Variants in MYO10 observed in about 807,000 individuals in gnomAD.
MYO10 encodes unconventional myosin-X.
Under a neutral mutation model 257.3 loss-of-function variants are expected in MYO10, and 133 were observed. That is an observed-to-expected ratio of 0.52 (90% CI 0.45 to 0.60). MYO10 has a LOEUF of 0.60. Ranked by LOEUF, MYO10 falls within the 20% of genes least tolerant of loss-of-function variation. The pLI is 0.00. For missense variants in MYO10, 2,399 were observed against 2,635.7 expected, an observed-to-expected ratio of 0.91 and a Z score of 1.97; for synonymous variants, 1,104 against 1,028.6, an observed-to-expected ratio of 1.07 and a Z score of -1.40.
intron 3 of MYO10, among the ~76,000 whole-genome samples, chr5:16,799,232 T>C (rs7717298): frequency 1.1e-3 from 161 of 152,150 alleles, no homozygotes; most frequent in African/African-American, 3.5e-3. Flanking sequence ...GTTCTGACAG[T>C]GTGGATGACA....
At chr5:16,824,912 G>A (rs1007456048) in intron 2 of MYO10, among the ~76,000 whole-genome samples, 10 of 151,936 alleles carry the variant, frequency 6.6e-5, no homozygotes, top group South Asian at 4.2e-4. Context: ...AAAAACAATC[G>A]AAGAAATAAA....
chr5:16,764,163 A>C, intron 12 of MYO10, 87 bp downstream of exon 12: 1 of 1,475,460 alleles, frequency 6.8e-7, no homozygotes, highest in Non-Finnish European at 9.2e-7. Context: ...AAAAAGAAAA[A>C]AAAAGAGTTT....
chr5:16,934,999 C>G (rs1746394762), intron 1 of MYO10, among the ~76,000 whole-genome samples: 1 of 152,170 alleles, frequency 6.6e-6, no homozygotes, highest in Non-Finnish European at 1.5e-5. Flanking sequence ...ATTAAATAAA[C>G]ACAACCAAGA....
intron 2 of MYO10, among the ~76,000 whole-genome samples, chr5:16,867,844 T>C (rs1209627592): frequency 6.6e-6 from 1 of 152,216 alleles, no homozygotes; most frequent in Admixed American, 6.5e-5. Context: ...CCAAGCTTAG[T>C]TATCCTTGTT....
Position 16,921,132 on chromosome 5 carries a change from G to GATAAAATAAAATAAA in MYO10, c.21+14641_21+14655dup, listed in dbSNP as rs56053669. Reference sequence around the variant, plus strand: ...TACTCCATCTCAAAAAATAACATAAGATAAAATAAAATAAAATAAAATAAA... The same window carrying GATAAAATAAAATAAA: ...TACTCCATCTCAAAAAATAACATAAGATAAAATAAAATAAAATAAAATAAAATAAAATAAAATAAA... On this transcript the variant is annotated intron_variant, in intron 1 of 40. Coordinates refer to ENST00000513610, the MANE Select transcript of MYO10 (RefSeq NM_012334.3). Among the ~76,000 whole-genome samples the GATAAAATAAAATAAA allele has an allele frequency of 1.7e-3, 254 of 149,216 alleles. 2 individuals carry two copies. Among genetic ancestry groups the GATAAAATAAAATAAA allele is most frequent in the African/African-American group, 5.1e-3 (208 of 40,438 alleles).
chr5:16,886,109 T>C (rs1744890171), intron 1 of MYO10, among the ~76,000 whole-genome samples: 1 of 152,194 alleles, frequency 6.6e-6, no homozygotes, highest in Non-Finnish European at 1.5e-5. Context: ...GAGGAAAGCT[T>C]CAGTTCAGCC....
intron 19 of MYO10, among the ~76,000 whole-genome samples, chr5:16,725,044 C>G (rs1001824070): frequency 1.3e-5 from 2 of 149,628 alleles, no homozygotes; most frequent in African/African-American, 4.9e-5. Context: ...GACAGTTAAC[C>G]TGTCAGGATA....
At chr5:16,718,176 A>C (rs1238421734) in intron 19 of MYO10, among the ~76,000 whole-genome samples, 4 of 152,190 alleles carry the variant, frequency 2.6e-5, no homozygotes, top group African/African-American at 9.6e-5. Flanking sequence ...GCTGGGCCTT[A>C]GCTGCCTTCC....
chr5:16,681,576 A>G, intron 31 of MYO10, 73 bp from the exon 32 acceptor site: 2 of 1,401,972 alleles, frequency 1.4e-6, no homozygotes, highest in South Asian at 2.7e-5. Context: ...TCATCTGCAT[A>G]ATGCTAACAC....
chr5:16,676,118 A>T lies in MYO10; in HGVS notation c.4579T>A (p.Tyr1527Asn). The change falls in exon 34 of 41, where the codon TAC becomes AAC. Residue 1527 changes from tyrosine to asparagine, a missense_variant. This residue lies in a region of MYO10 where 1,820 missense variants were observed against 1,939.4 expected (regional missense o/e 0.94). Transcript: ENST00000513610. The stretch of plus-strand genomic sequence containing the variant: ...TATCGAAGGATCGGGTTCCGCTTGT[A>T]AATCTGTTCCACCACATCCGAGTTC... ...CLNSDVVEQI[Y>N]KRNPILRYTH... 1 of 1,613,394 alleles carries T rather than the reference A, an allele frequency of 6.2e-7. No individual in the cohort carries two copies. Among genetic ancestry groups the T allele is most frequent in the Non-Finnish European group, 8.5e-7 (1 of 1,179,700 alleles).
At chr5:16,723,546 A>G (rs1440297040) in intron 19 of MYO10, among the ~76,000 whole-genome samples, 4 of 152,206 alleles carry the variant, frequency 2.6e-5, no homozygotes, top group Admixed American at 6.5e-5. Context: ...GGTGCAGTCA[A>G]TTTGGAAGAC....
In MYO10 at chr5:16,664,196, A is replaced by C. The variant is rs1277692454; in HGVS notation, c.*2496T>G. On this transcript the variant is annotated 3_prime_UTR_variant, in exon 41 of 41. Transcript: ENST00000513610. ...CTAAATAAAAGGCTAAAACAAAACCACAACTATGCCATGTAAAGGCTCACA... is the reference window on the plus strand; with the variant it reads ...CTAAATAAAAGGCTAAAACAAAACCCCAACTATGCCATGTAAAGGCTCACA... The C allele has an allele frequency of 1.3e-5, 2 of 152,172 alleles. No individual in the cohort carries two copies. The highest frequency in any genetic ancestry group is 4.8e-5 in the African/African-American group (2 of 41,442). The allele number at this position is 152,172 out of a possible 1,614,324, so 9.4% of individuals were successfully genotyped here.
At chr5:16,767,440 C>T (rs1470346416) in intron 10 of MYO10, among the ~76,000 whole-genome samples, 2 of 151,902 alleles carry the variant, frequency 1.3e-5, no homozygotes, top group African/African-American at 2.4e-5. Context: ...AAAGAAAGTT[C>T]TGGGATTACA....
Position 16,679,524 on chromosome 5 carries a change from G to GTTTTTTTTTTTTTTTTTT in MYO10, c.4542+405_4542+422dup, listed in dbSNP as rs33919452. ...TTAACCAAGCGCTAGTTTTTTGGGT[G>GTTTTTTTTTTTTTTTTTT]TTTTTTTTTTTTTTTTTTGAGACGA... On this transcript the variant is annotated intron_variant, in intron 33 of 40. Coordinates refer to ENST00000513610, the MANE Select transcript of MYO10 (RefSeq NM_012334.3). Among the ~76,000 whole-genome samples the GTTTTTTTTTTTTTTTTTT allele has an allele frequency of 5.7e-4, 70 of 122,638 alleles. 3 individuals carry two copies. The highest frequency in any genetic ancestry group is 2.1e-3 in the African/African-American group (66 of 31,074). The allele number at this position is 122,638 out of a possible 152,430, so 80.5% of individuals were successfully genotyped here. A position where few individuals can be genotyped will look rare whatever the true frequency, so the allele number is the denominator to read the frequency against.
intron 3 of MYO10, among the ~76,000 whole-genome samples, chr5:16,809,332 C>T (rs538062132): frequency 5.8e-4 from 88 of 152,320 alleles, no homozygotes; most frequent in African/African-American, 2.1e-3. Flanking sequence ...CCGTGAGAGG[C>T]GCGCTGTGAC....
intron 27 of MYO10, 124 bp from the exon 28 acceptor site, chr5:16,690,043 A>G (rs1737428369): frequency 1.4e-6 from 1 of 701,200 alleles, no homozygotes; most frequent in Non-Finnish European, 2.5e-6. Flanking sequence ...AACGGTACAC[A>G]GTTGGCTCTC....
chr5:16,881,752 T>C (rs1744760233), intron 1 of MYO10, among the ~76,000 whole-genome samples: 2 of 152,188 alleles, frequency 1.3e-5, no homozygotes, highest in South Asian at 4.1e-4. Flanking sequence ...TTAGAACACA[T>C]GTGCCCAGGT....
intron 35 of MYO10, among the ~76,000 whole-genome samples, chr5:16,674,418 G>A (rs1407538077): frequency 5.9e-5 from 9 of 152,054 alleles, no homozygotes; most frequent in East Asian, 1.9e-4. Context: ...GCAATGAGCC[G>A]AGATCATGCC....
At chr5:16,739,115 G>A (rs761692353) in intron 19 of MYO10, among the ~76,000 whole-genome samples, 13 of 145,400 alleles carry the variant, frequency 8.9e-5, no homozygotes, top group Non-Finnish European at 1.6e-4. Context: ...GCAGCCAGGA[G>A]TTTGAGACTG....
Sources: gnomAD v4.1 joint callset for allele counts (sites outside exome capture counted in the v4.1 genomes callset) on GRCh38, gnomAD v4.1.1 for gene constraint, gnomAD v4.1.1 regional missense constraint, MANE v1.5 for transcripts, NCBI Gene and HGNC (gene_info 2026-07-23, HGNC 2026-07-21) for gene names.